The following VPS13B variants were observed in gnomAD, a reference collection of about 807,000 sequenced individuals.
The protein encoded by VPS13B is intermembrane lipid transfer protein VPS13B.
A neutral mutation model predicts 426.4 loss-of-function variants in VPS13B; 285 were observed. The observed-to-expected ratio is 0.67, with a 90% confidence interval of 0.61 to 0.74. The LOEUF is 0.74. Ranked by LOEUF, VPS13B falls within the 30% of genes least tolerant of loss-of-function variation. The probability of loss-of-function intolerance (pLI) is 0.00; values close to 1 mark genes in which losing one functional copy is unlikely to be tolerated. For missense variants in VPS13B, 4,537 were observed against 4,782.6 expected, an observed-to-expected ratio of 0.95 and a Z score of 1.51; for synonymous variants, 1,676 against 1,676.4, an observed-to-expected ratio of 1.00 and a Z score of 0.01.
At chr8:99,096,755 CAAAA>C (rs56378823) in intron 4 of VPS13B, among the ~76,000 whole-genome samples, 8 of 116,764 alleles carry the variant, frequency 6.9e-5, no homozygotes, top group Admixed American at 8.7e-5. Context: ...TACTCTGTCT[CAAAA>C]AAAAAAAAAA....
chr8:99,786,541 G>A (rs1339608470), intron 43 of VPS13B, among the ~76,000 whole-genome samples: 1 of 152,100 alleles, frequency 6.6e-6, no homozygotes, highest in Non-Finnish European at 1.5e-5. Flanking sequence ...TAAACTAATA[G>A]GGGATTCTTA....
At chr8:99,651,702 G>C (rs1383427624) in intron 34 of VPS13B, among the ~76,000 whole-genome samples, 1 of 152,102 alleles carries the variant, frequency 6.6e-6, no homozygotes, top group Non-Finnish European at 1.5e-5. Context: ...TTAAGGTAAT[G>C]GAGTCCAGAT....
chr8:99,077,347 T>C (rs989811535), intron 3 of VPS13B, among the ~76,000 whole-genome samples: 1 of 152,016 alleles, frequency 6.6e-6, no homozygotes, highest in African/African-American at 2.4e-5. Flanking sequence ...TTTTTGTACT[T>C]TTAGTAGAGA....
At chr8:99,669,714 T>A (rs1667637) in intron 35 of VPS13B, among the ~76,000 whole-genome samples, 20,684 of 152,110 alleles carry the variant, frequency 0.14, 1,951 homozygotes, top group East Asian at 0.38. Flanking sequence ...ACCTGTCTAG[T>A]TGTCAGTGTT....
chr8:99,229,470 A>G (rs1321231993), intron 17 of VPS13B, among the ~76,000 whole-genome samples: 2 of 152,044 alleles, frequency 1.3e-5, no homozygotes, highest in Non-Finnish European at 1.5e-5. Context: ...CTAATTATTC[A>G]TGGATTGATT....
chr8:99,818,560 A>G, intron 46 of VPS13B, 26 bp downstream of exon 46: 1 of 1,611,910 alleles, frequency 6.2e-7, no homozygotes, highest in African/African-American at 1.3e-5. Context: ...ATCCTAAAAT[A>G]TGGTATATGA....
Position 99,696,390 on chromosome 8 carries a change from G to T in VPS13B, c.6047-3135G>T, listed in dbSNP as rs1024681437. ...TCTGCCTGCTGTGGATCCATGCCAA[G>T]ATCGTGGTGCTCATGCTGTGGCACA... On this transcript the variant is annotated intron_variant, in intron 35 of 61. Coordinates refer to ENST00000357162, the MANE Select transcript of VPS13B (RefSeq NM_152564.5). 2.9e-4 allele frequency: 93 copies of T among 321,896 alleles called. 2 individuals are homozygous for T. Among genetic ancestry groups the T allele is most frequent in the Middle Eastern group, 3.9e-4 (1 of 2,532 alleles). 19.9% of individuals were successfully genotyped at this position (321,896 alleles called of 1,614,324 possible).
intron 30 of VPS13B, among the ~76,000 whole-genome samples, chr8:99,523,950 G>T (rs1822512845): frequency 6.6e-6 from 1 of 151,978 alleles, no homozygotes; most frequent in Admixed American, 6.6e-5. Context: ...TTCAGACAGA[G>T]AATTCAAAAT....
At chr8:99,340,196 T>G (rs1016017405) in intron 19 of VPS13B, 1 of 167,612 alleles carries the variant, frequency 6.0e-6, no homozygotes, top group Non-Finnish European at 1.3e-5. Context: ...CACGTGGTGT[T>G]GCTTTTGTGC....
intron 12 of VPS13B, among the ~76,000 whole-genome samples, chr8:99,137,584 T>G (rs922498183): frequency 7.3e-5 from 11 of 151,428 alleles, no homozygotes; most frequent in African/African-American, 2.7e-4. Context: ...CTTCGCAGAG[T>G]TGATCTTGAA....
At chr8:99,658,819 T>G (rs1830114282) in intron 34 of VPS13B, among the ~76,000 whole-genome samples, 1 of 152,094 alleles carries the variant, frequency 6.6e-6, no homozygotes, top group Non-Finnish European at 1.5e-5. Flanking sequence ...GTTGTTTTTG[T>G]TTTTGTTTTT....
intron 19 of VPS13B, among the ~76,000 whole-genome samples, chr8:99,363,238 T>C (rs1812666883): frequency 6.6e-6 from 1 of 152,196 alleles, no homozygotes; most frequent in South Asian, 2.1e-4. Flanking sequence ...GATATCTAGT[T>C]TTCCCAGCAC....
chr8:99,819,282 C>A, intron 47 of VPS13B, 130 bp from the exon 48 acceptor site: 1 of 1,061,532 alleles, frequency 9.4e-7, no homozygotes. Flanking sequence ...CACACACTGT[C>A]CCATAAATGG....
In VPS13B at chr8:99,830,419, CA is replaced by C. The variant is rs1405168558; in HGVS notation, c.9331-1947del. The stretch of plus-strand genomic sequence containing the variant: ...CACTGTGAGGGAGAAACCACCTACT[CA>C]AACCTCAGTAATGGTGGATGCCCCT... On this transcript the variant is annotated intron_variant, in intron 51 of 61. Transcript: ENST00000357162. Among the ~76,000 whole-genome samples the C allele has an allele frequency of 2.0e-5, 3 of 152,296 alleles. No homozygotes were observed. In the East Asian group the frequency reaches 5.8e-4, roughly 29 times the overall value.
intron 17 of VPS13B, among the ~76,000 whole-genome samples, chr8:99,202,826 G>A (rs997481983): frequency 6.6e-6 from 1 of 151,828 alleles, no homozygotes; most frequent in Non-Finnish European, 1.5e-5. Flanking sequence ...TCAGGAGATC[G>A]AGACCATCCT....
chr8:99,590,599 T>G (rs1249651634), intron 33 of VPS13B, among the ~76,000 whole-genome samples: 1 of 152,210 alleles, frequency 6.6e-6, no homozygotes, highest in Non-Finnish European at 1.5e-5. Flanking sequence ...ATTTACCAAG[T>G]AGTCATTCAG....
chr8:99,841,675 T>C (rs531655341), intron 54 of VPS13B, among the ~76,000 whole-genome samples: 1 of 152,284 alleles, frequency 6.6e-6, no homozygotes, highest in South Asian at 2.1e-4. Context: ...CTACTGCTTC[T>C]CAGTGTCTTC....
intron 16 of VPS13B, among the ~76,000 whole-genome samples, chr8:99,186,306 T>C (rs112225954): frequency 1.4e-3 from 220 of 152,216 alleles, no homozygotes; most frequent in African/African-American, 5.0e-3. Flanking sequence ...AATAAATATG[T>C]AGTAGTCTAA....
intron 3 of VPS13B, 27 bp from the exon 4 acceptor site, chr8:99,096,281 TTTTC>T (rs749738003): frequency 6.2e-7 from 1 of 1,612,642 alleles, no homozygotes; most frequent in South Asian, 1.1e-5. Flanking sequence ...TGATCGATGG[TTTTC>T]TTTTTCTTTC....
Sources: allele counts gnomAD v4.1 joint callset (sites outside exome capture counted in the v4.1 genomes callset), GRCh38; gene constraint gnomAD v4.1.1; transcripts MANE v1.5; gene names NCBI Gene and HGNC (gene_info 2026-07-23, HGNC 2026-07-21).